The following LRP1B variants were observed in gnomAD, a reference collection of about 807,000 sequenced individuals.
LRP1B encodes the protein LDL receptor related protein 1B, also known as low-density lipoprotein receptor-related protein 1B.
In LRP1B, 217 loss-of-function variants were observed where a neutral mutation model predicts 556.6. The ratio of observed to expected loss-of-function variants is 0.39; its 90% CI spans 0.35 to 0.44. The LOEUF (loss-of-function observed/expected upper bound fraction) is 0.44. Among genes scored for constraint, LRP1B ranks in the 20% least tolerant of loss-of-function variants. The pLI, the probability that LRP1B is intolerant of heterozygous loss-of-function variation, is 1.00. For synonymous variants in LRP1B, 2,047 were observed against 1,865.8 expected, an observed-to-expected ratio of 1.10 and a Z score of -2.50; for missense variants, 5,053 against 5,620.8, an observed-to-expected ratio of 0.90 and a Z score of 3.23.
chr2:141,770,197 T>C (rs952310311), intron 2 of LRP1B, among the ~76,000 whole-genome samples: 1 of 152,158 alleles, frequency 6.6e-6, no homozygotes, highest in African/African-American at 2.4e-5. Flanking sequence ...CATATAGACA[T>C]GTGCCTTTTT....
intron 1 of LRP1B, among the ~76,000 whole-genome samples, chr2:141,817,218 T>A (rs1193043407): frequency 6.6e-6 from 1 of 152,208 alleles, no homozygotes; most frequent in East Asian, 1.9e-4. Context: ...TTTCCTATTA[T>A]ATGAAACATA....
rs144855684 is a variant in LRP1B, at chr2:141,505,900, C to G, written c.206-25367G>C. On this transcript the variant is annotated intron_variant, in intron 2 of 90. Coordinates refer to ENST00000389484, the MANE Select transcript of LRP1B (RefSeq NM_018557.3). Reference sequence around the variant, plus strand: ...TTATCAGCTTCAGAATATACTGATACAATTTATTGACCATTCTTTATGCAC... The same window carrying G: ...TTATCAGCTTCAGAATATACTGATAGAATTTATTGACCATTCTTTATGCAC... Among the ~76,000 whole-genome samples, 612 of 152,108 alleles carry G rather than the reference C, an allele frequency of 4.0e-3. 6 individuals carry two copies. The highest frequency in any genetic ancestry group is 6.5e-3 in the Non-Finnish European group (439 of 67,934).
At chr2:140,932,952 T>C (rs986256261) in intron 20 of LRP1B, among the ~76,000 whole-genome samples, 1 of 147,364 alleles carries the variant, frequency 6.8e-6, no homozygotes, top group Non-Finnish European at 1.5e-5. Flanking sequence ...TATACACATA[T>C]ACATATACAC....
At chr2:141,256,383 AT>A (rs1187683715) in intron 3 of LRP1B, among the ~76,000 whole-genome samples, 7 of 151,900 alleles carry the variant, frequency 4.6e-5, no homozygotes, top group Non-Finnish European at 8.8e-5. Context: ...AAAAAAAAAA[AT>A]GAGAGCGAGA....
At chr2:140,641,158 C>G (rs1198944201) in intron 41 of LRP1B, among the ~76,000 whole-genome samples, 2 of 152,156 alleles carry the variant, frequency 1.3e-5, no homozygotes, top group East Asian at 3.9e-4. Context: ...AAACTGCAAT[C>G]TAAGTAGCAA....
At chr2:140,672,190 A>C (rs1685508089) in intron 41 of LRP1B, among the ~76,000 whole-genome samples, 1 of 152,310 alleles carries the variant, frequency 6.6e-6, no homozygotes, top group South Asian at 2.1e-4. Flanking sequence ...AAATGGAAGG[A>C]TAAAATGAGT....
At chr2:140,419,931 C>A (rs1241291768) in intron 66 of LRP1B, among the ~76,000 whole-genome samples, 1 of 151,364 alleles carries the variant, frequency 6.6e-6, no homozygotes, top group Admixed American at 6.6e-5. Context: ...TAACCTGAAC[C>A]CAGGAAGCGG....
At chr2:141,793,669 TAAAC>T (rs1233572257) in intron 2 of LRP1B, among the ~76,000 whole-genome samples, 4 of 151,952 alleles carry the variant, frequency 2.6e-5, no homozygotes, top group African/African-American at 7.2e-5. Context: ...TTATGGCAAA[TAAAC>T]AACTTATTAA....
intron 1 of LRP1B, among the ~76,000 whole-genome samples, chr2:142,120,785 CAATT>C (rs774959496): frequency 1.1e-4 from 17 of 152,044 alleles, no homozygotes; most frequent in Non-Finnish European, 1.8e-4. Context: ...GAGTCAGACT[CAATT>C]AATTCCATTT....
intron 35 of LRP1B, among the ~76,000 whole-genome samples, chr2:140,746,405 C>T (rs1688317326): frequency 6.6e-6 from 1 of 151,958 alleles, no homozygotes; most frequent in South Asian, 2.1e-4. Context: ...TATCTAATAT[C>T]GAATCAAAAT....
chr2:140,239,542 A>G lies in LRP1B; in HGVS notation c.13325-10T>C. ...ATGATGGCAATGCTTCCTGGAAAAT[A>G]AATGAGTGAATAGATGAAGAAATAA... On this transcript the variant is annotated splice_polypyrimidine_tract_variant and intron_variant, in intron 87 of 90. Transcript: ENST00000389484. The G allele has an allele frequency of 1.9e-6, 3 of 1,556,964 alleles. No individual in the cohort carries two copies. In the South Asian group the frequency reaches 3.4e-5, roughly 18 times the overall value.
At chr2:140,435,891 C>G (rs1056599608) in intron 66 of LRP1B, among the ~76,000 whole-genome samples, 2 of 152,044 alleles carry the variant, frequency 1.3e-5, no homozygotes, top group East Asian at 1.9e-4. Flanking sequence ...TCTCCTTCAA[C>G]GGTTCTATTG....
chr2:140,640,572 T>C (rs1684257436), intron 41 of LRP1B, among the ~76,000 whole-genome samples: 1 of 150,376 alleles, frequency 6.6e-6, no homozygotes, highest in South Asian at 2.1e-4. Flanking sequence ...ATTTTTTGTA[T>C]TTTTAGTAGA....
At chr2:141,167,436 G>A (rs1558906181) in intron 7 of LRP1B, 1 of 151,600 alleles carries the variant, frequency 6.6e-6, no homozygotes, top group African/African-American at 2.4e-5. Context: ...ACCCAAAGAG[G>A]AATTGAGAAG....
intron 6 of LRP1B, among the ~76,000 whole-genome samples, chr2:141,219,576 G>C (rs1180631452): frequency 2.0e-5 from 3 of 152,204 alleles, no homozygotes; most frequent in African/African-American, 7.2e-5. Flanking sequence ...GCTCAGACAA[G>C]GGGCAGCCAA....
At chr2:140,574,282 A>G (rs1681436880) in intron 43 of LRP1B, among the ~76,000 whole-genome samples, 2 of 152,156 alleles carry the variant, frequency 1.3e-5, no homozygotes, top group South Asian at 2.1e-4. Flanking sequence ...GTAAAGATAA[A>G]TGCTTGAAGA....
chr2:140,966,393 A>G (rs1024913255), intron 18 of LRP1B, among the ~76,000 whole-genome samples: 41 of 151,824 alleles, frequency 2.7e-4, no homozygotes, highest in Non-Finnish European at 5.6e-4. Context: ...ACTTTTTGAT[A>G]GGGTTGTTTT....
intron 1 of LRP1B, among the ~76,000 whole-genome samples, chr2:141,972,710 C>A (rs1334628350): frequency 1.3e-5 from 2 of 151,492 alleles, no homozygotes; most frequent in Non-Finnish European, 3.0e-5. Context: ...GTTTCCTAGA[C>A]CCATCTGTTT....
intron 57 of LRP1B, among the ~76,000 whole-genome samples, chr2:140,490,703 G>C (rs1688661897): frequency 6.6e-6 from 1 of 152,124 alleles, no homozygotes; most frequent in African/African-American, 2.4e-5. Context: ...GAAACTGTGA[G>C]TAAAAATATG....
Sources: allele counts gnomAD v4.1 joint callset (sites outside exome capture counted in the v4.1 genomes callset), GRCh38; gene constraint gnomAD v4.1.1; transcripts MANE v1.5; gene names NCBI Gene and HGNC (gene_info 2026-07-23, HGNC 2026-07-21).